Variants in PIGU observed in about 807,000 individuals in gnomAD.
PIGU encodes phosphatidylinositol glycan anchor biosynthesis class U.
PIGU carries 24 observed loss-of-function variants against 49.9 expected under a neutral mutation model. The observed-to-expected ratio is 0.48, with a 90% CI of 0.35 to 0.68. The LOEUF (loss-of-function observed/expected upper bound fraction) is 0.68. Among genes scored for constraint, PIGU ranks in the 30% least tolerant of loss-of-function variants. PIGU has a pLI of 0.01. For missense variants in PIGU, 490 were observed against 532.6 expected (o/e 0.92, Z 0.79); for synonymous variants, 220 against 205.7 (o/e 1.07, Z -0.59).
intron 1 of PIGU, among the ~76,000 whole-genome samples, chr20:34,667,581 T>C (rs574475160): frequency 6.6e-6 from 1 of 152,258 alleles, no homozygotes; most frequent in East Asian, 1.9e-4. Flanking sequence ...ATGAATATAG[T>C]ATACAGAGTC....
At chr20:34,670,808 T>C (rs1230281258) in intron 1 of PIGU, among the ~76,000 whole-genome samples, 1 of 152,208 alleles carries the variant, frequency 6.6e-6, no homozygotes, top group Non-Finnish European at 1.5e-5. Flanking sequence ...CCTGCCAAAG[T>C]GCTGGGATTA....
intron 2 of PIGU, among the ~76,000 whole-genome samples, chr20:34,656,375 C>G (rs1387458639): frequency 1.8e-5 from 2 of 113,370 alleles, no homozygotes; most frequent in African/African-American, 6.6e-5. Flanking sequence ...CTCCACCTCC[C>G]GGGTTCGCGC....
In PIGU at chr20:34,657,256, G is replaced by T; in HGVS notation, c.131-12C>A. The stretch of plus-strand genomic sequence containing the variant: ...AAGGCCTTCAACCACTGAAAAATTA[G>T]ATATACAAGTTCACTCAGACTAAGC... On this transcript the variant is annotated splice_polypyrimidine_tract_variant and intron_variant, in intron 1 of 11. Coordinates refer to ENST00000217446, the MANE Select transcript of PIGU (RefSeq NM_080476.5). 1 of 1,605,794 alleles carries T rather than the reference G, an allele frequency of 6.2e-7. No individual in the cohort carries two copies. The highest frequency in any genetic ancestry group is 8.5e-7 in the Non-Finnish European group (1 of 1,172,668).
Position 34,633,483 on chromosome 20 carries a change from CA to C in PIGU, c.529+1131del, listed in dbSNP as rs371232725. ...GTCTCAAAAACAAAACAAGAAAAAA[CA>C]AAACAAATAAACAAGAAACCATGGT... is the stretch of plus-strand genomic sequence containing the variant. On this transcript the variant is annotated intron_variant, in intron 6 of 11. Transcript: ENST00000217446. Among the ~76,000 whole-genome samples, 1,348 of 151,588 alleles carry C rather than the reference CA, an allele frequency of 8.9e-3. 22 individuals carry two copies. Among genetic ancestry groups the C allele is most frequent in the African/African-American group, 0.032 (1,304 of 41,300 alleles).
At chr20:34,590,164 A>G (rs1347758884) in intron 7 of PIGU, among the ~76,000 whole-genome samples, 1 of 152,138 alleles carries the variant, frequency 6.6e-6, no homozygotes, top group Admixed American at 6.5e-5. Flanking sequence ...AATAAGAATT[A>G]CCAGAAAACA....
chr20:34,626,457 C>T (rs1218211902), intron 6 of PIGU, among the ~76,000 whole-genome samples: 1 of 152,068 alleles, frequency 6.6e-6, no homozygotes, highest in Non-Finnish European at 1.5e-5. Flanking sequence ...TGCCCACCAC[C>T]ACGCCCTGCT....
In PIGU at chr20:34,634,056, T is replaced by C. The variant is rs78086660; in HGVS notation, c.529+559A>G. Among the ~76,000 whole-genome samples, 1,121 of 152,174 alleles carry C rather than the reference T, an allele frequency of 7.4e-3. 9 individuals carry two copies. Among genetic ancestry groups the C allele is most frequent in the African/African-American group, 0.026 (1,069 of 41,518 alleles). On this transcript the variant is annotated intron_variant, in intron 6 of 11. Coordinates refer to ENST00000217446, the MANE Select transcript of PIGU (RefSeq NM_080476.5). ...AAGAGGAAGGCTGCTATTCTAATCATAAGCCTTTTAGAACCTTTTTTAATT... is the reference window on the plus strand; with the variant it reads ...AAGAGGAAGGCTGCTATTCTAATCACAAGCCTTTTAGAACCTTTTTTAATT...
Position 34,670,261 on chromosome 20 carries a change from C to T in PIGU, c.130+6695G>A, listed in dbSNP as rs565084129. Among the ~76,000 whole-genome samples the T allele has an allele frequency of 2.1e-3, 309 of 150,002 alleles. 2 individuals carry two copies. The highest frequency in any genetic ancestry group is 2.9e-3 in the Non-Finnish European group (198 of 67,842). On this transcript the variant is annotated intron_variant, in intron 1 of 11. Transcript: ENST00000217446. The stretch of plus-strand genomic sequence containing the variant: ...CTGGAGTGCAGTGGCATGATCTCAG[C>T]TCACTGCAACCTCCACCTCCTGAGT...
At chr20:34,601,261 A>G (rs1304422412) in intron 7 of PIGU, among the ~76,000 whole-genome samples, 2 of 152,150 alleles carry the variant, frequency 1.3e-5, no homozygotes, top group Admixed American at 1.3e-4. Flanking sequence ...TTTTAAGTAT[A>G]ATTCTGTTTT....
At chr20:34,649,607 G>A (rs540880745) in intron 2 of PIGU, among the ~76,000 whole-genome samples, 5 of 148,946 alleles carry the variant, frequency 3.4e-5, no homozygotes, top group East Asian at 4.0e-4. Flanking sequence ...TGCAACTTCC[G>A]CCTCCCAGGT....
intron 7 of PIGU, among the ~76,000 whole-genome samples, chr20:34,612,634 CT>C (rs1436656304): frequency 1.1e-5 from 1 of 89,128 alleles, no homozygotes; most frequent in Non-Finnish European, 2.4e-5. Flanking sequence ...TTTTTTTTTT[CT>C]TTTTTTGAGA....
chr20:34,602,580 C>T (rs1984467228), intron 7 of PIGU, among the ~76,000 whole-genome samples: 1 of 151,874 alleles, frequency 6.6e-6, no homozygotes, highest in Non-Finnish European at 1.5e-5. Flanking sequence ...CTGGGCGACA[C>T]AGCAAGACTC....
In PIGU at chr20:34,677,031, A is replaced by C; in HGVS notation, c.55T>G (p.Leu19Val). 1 of 1,580,760 alleles carries C rather than the reference A, an allele frequency of 6.3e-7. No homozygotes were observed. Residue 19 changes from leucine to valine, a missense_variant, in exon 1 of 12, where the codon TTG (leucine) becomes GTG (valine). Physicochemically the swap from Leu to Val is conservative, Grantham distance 32. Coordinates refer to ENST00000217446, the MANE Select transcript of PIGU (RefSeq NM_080476.5). The part of the protein sequence containing the change: ...LVVAVTVRAA[L>V]FRSSLAEFIS... ...AACTCGGCCAGACTGGAGCGGAACA[A>C]GGCCGCCCGCACTGTCACAGCCACC...
rs1199077906 is a variant in PIGU at position 34,656,385 on chromosome 20, C to T, written c.195+795G>A. ...GCAAGCTCCACCTCCCGGGTTCGCG[C>T]CATTCTCCTGCCTCAGCCTCCCGAG... On this transcript the variant is annotated intron_variant, in intron 2 of 11. Coordinates refer to ENST00000217446, the MANE Select transcript of PIGU (RefSeq NM_080476.5). 8.8e-5 allele frequency among the ~76,000 whole-genome samples: 10 copies of T among 114,134 alleles called. 1 individual carries two copies. In the South Asian group the frequency reaches 1.0e-3, roughly 11 times the overall value. 74.9% of individuals were successfully genotyped at this position (114,134 alleles called of 152,430 possible). A position where few individuals can be genotyped will look rare whatever the true frequency, so the allele number is the denominator to read the frequency against.
chr20:34,569,008 G>A (rs765144035), intron 11 of PIGU, among the ~76,000 whole-genome samples: 2 of 151,944 alleles, frequency 1.3e-5, no homozygotes, highest in African/African-American at 2.4e-5. Flanking sequence ...TCAGGAGTTC[G>A]AGCTCGTAAC....
intron 6 of PIGU, among the ~76,000 whole-genome samples, chr20:34,630,987 A>G (rs1235886961): frequency 6.6e-6 from 1 of 152,136 alleles, no homozygotes; most frequent in African/African-American, 2.4e-5. Context: ...TACCATACAT[A>G]TAAGAAAATC....
At position 34,654,668 on chromosome 20, in the gene PIGU, C is replaced by CA. The variant is rs1227977516; in HGVS notation, c.195+2511dup. Reference sequence around the variant, plus strand: ...TTAGACAGAAGAGCCAAAAAACAAACAAAAAAAAACTGTTCTCAAAGTACA... The same window carrying CA: ...TTAGACAGAAGAGCCAAAAAACAAACAAAAAAAAAACTGTTCTCAAAGTACA... On this transcript the variant is annotated intron_variant, in intron 2 of 11. Transcript: ENST00000217446. Among the ~76,000 whole-genome samples, 28 of 116,426 alleles carry CA rather than the reference C, an allele frequency of 2.4e-4. 5 individuals carry two copies. The highest frequency in any genetic ancestry group is 6.6e-4 in the African/African-American group (21 of 31,796). The allele number at this position is 116,426 out of a possible 152,430, so 76.4% of individuals were successfully genotyped here.
chr20:34,572,610 C>T (rs191333559), intron 11 of PIGU, among the ~76,000 whole-genome samples: 26 of 152,220 alleles, frequency 1.7e-4, no homozygotes, highest in African/African-American at 4.1e-4. Flanking sequence ...GCCAAGATCA[C>T]GCCATTGCGC....
chr20:34,661,834 T>TCGTGTATA (rs1568664556), intron 1 of PIGU, among the ~76,000 whole-genome samples: 2 of 152,198 alleles, frequency 1.3e-5, no homozygotes, highest in South Asian at 4.1e-4. Context: ...TTCCCACCAG[T>TCGTGTATA]CGTGTATAAG....
Sources: gnomAD v4.1 joint callset for allele counts (sites outside exome capture counted in the v4.1 genomes callset) on GRCh38, gnomAD v4.1.1 for gene constraint, MANE v1.5 for transcripts, NCBI Gene and HGNC (gene_info 2026-07-23, HGNC 2026-07-21) for gene names.